The following NDST3 variants were observed in gnomAD, a reference collection of about 807,000 sequenced individuals.
NDST3 encodes the protein bifunctional heparan sulfate N-deacetylase/N-sulfotransferase 3.
A neutral mutation model predicts 96.1 loss-of-function variants in NDST3; 58 were observed. That is an observed-to-expected ratio of 0.60 (90% CI 0.49 to 0.75). NDST3 has a LOEUF of 0.75. NDST3 is among the 30% of genes least tolerant of loss of function. The pLI is 0.00. For synonymous variants in NDST3, 333 were observed against 359.7 expected (o/e 0.93, Z 0.84); for missense variants, 788 against 1,034.2 (o/e 0.76, Z 3.27).
chr4:118,110,885 T>C (rs1730578853), intron 3 of NDST3, among the ~76,000 whole-genome samples: 1 of 152,090 alleles, frequency 6.6e-6, no homozygotes, highest in Admixed American at 6.6e-5. Context: ...ACAGCACTAT[T>C]CACACTAGCA....
At chr4:118,235,955 T>C (rs1278097609) in intron 9 of NDST3, among the ~76,000 whole-genome samples, 1 of 152,234 alleles carries the variant, frequency 6.6e-6, no homozygotes, top group African/African-American at 2.4e-5. Flanking sequence ...AGAAGCTTTA[T>C]CATGTTTGAG....
In NDST3 at chr4:118,127,406, A is replaced by G. The variant is rs1363643346; in HGVS notation, c.1225-10648A>G. Among the ~76,000 whole-genome samples, 8 of 152,074 alleles carry G rather than the reference A, an allele frequency of 5.3e-5. 1 individual carries two copies. Among genetic ancestry groups the G allele is most frequent in the African/African-American group, 1.9e-4 (8 of 41,432 alleles). On this transcript the variant is annotated intron_variant, in intron 4 of 13. Coordinates refer to ENST00000296499, the MANE Select transcript of NDST3 (RefSeq NM_004784.3). ...CAGGGGTTCAGCTTAATTTTTCTGC[A>G]TATGGAAATCTAGTTTTTCAAGCAC...
intron 4 of NDST3, among the ~76,000 whole-genome samples, chr4:118,123,984 G>A (rs10050326): frequency 0.016 from 2,504 of 152,006 alleles, 56 homozygotes; most frequent in African/African-American, 0.053. Flanking sequence ...TTCTTACTAC[G>A]TTTGGCTTAC....
intron 6 of NDST3, among the ~76,000 whole-genome samples, chr4:118,172,737 T>C (rs1163180375): frequency 6.6e-6 from 1 of 152,128 alleles, no homozygotes; most frequent in Non-Finnish European, 1.5e-5. Flanking sequence ...GATGAGTTCT[T>C]AGCAAAGAAT....
At chr4:118,216,833 T>C (rs1739221903) in intron 6 of NDST3, among the ~76,000 whole-genome samples, 1 of 151,998 alleles carries the variant, frequency 6.6e-6, no homozygotes, top group Admixed American at 6.6e-5. Flanking sequence ...TGAGTGGCAT[T>C]GAAAAAATAA....
chr4:118,154,303 T>C (rs896783951), intron 6 of NDST3, among the ~76,000 whole-genome samples: 2 of 152,226 alleles, frequency 1.3e-5, no homozygotes, highest in African/African-American at 4.8e-5. Context: ...TACTGTATAA[T>C]GGGGCATTCT....
chr4:118,166,816 A>G (rs979843666), intron 6 of NDST3, among the ~76,000 whole-genome samples: 12 of 152,010 alleles, frequency 7.9e-5, no homozygotes, highest in Non-Finnish European at 1.2e-4. Context: ...ATCCCAATAG[A>G]TACAGAAAAA....
intron 2 of NDST3, among the ~76,000 whole-genome samples, chr4:118,066,129 TTATATA>T (rs1560617513): frequency 4.5e-4 from 20 of 44,750 alleles, no homozygotes; most frequent in African/African-American, 1.2e-3. Flanking sequence ...ATTATATATA[TTATATA>T]ATATATTTTA....
chr4:118,194,309 T>C (rs1737519841), intron 6 of NDST3: 2 of 734,214 alleles, frequency 2.7e-6, no homozygotes, highest in East Asian at 2.5e-5. Flanking sequence ...TGTAGATGAT[T>C]CCGCCATCTT....
chr4:118,121,605 G>A (rs745991169), intron 4 of NDST3, among the ~76,000 whole-genome samples: 5 of 152,132 alleles, frequency 3.3e-5, no homozygotes, highest in African/African-American at 7.2e-5. Flanking sequence ...CAGTGGAAGC[G>A]GGATCATAAA....
At chr4:118,044,939 C>T (rs576389098) in intron 1 of NDST3, among the ~76,000 whole-genome samples, 1 of 152,222 alleles carries the variant, frequency 6.6e-6, no homozygotes, top group South Asian at 2.1e-4. Context: ...GACCTACTCA[C>T]TTCTTCTTAG....
intron 1 of NDST3, among the ~76,000 whole-genome samples, chr4:118,045,484 G>A (rs1724710605): frequency 6.6e-6 from 1 of 152,106 alleles, no homozygotes; most frequent in African/African-American, 2.4e-5. Flanking sequence ...ATGTTTGAAT[G>A]CATGACATAT....
chr4:118,085,029 C>T (rs186378089), intron 2 of NDST3, among the ~76,000 whole-genome samples: 8 of 152,186 alleles, frequency 5.3e-5, no homozygotes, highest in Non-Finnish European at 1.0e-4. Flanking sequence ...GAGGCTGAGG[C>T]AGGGAATTGC....
intron 6 of NDST3, among the ~76,000 whole-genome samples, chr4:118,148,747 G>C (rs575474739): frequency 6.6e-6 from 1 of 152,112 alleles, no homozygotes; most frequent in Admixed American, 6.5e-5. Context: ...TCATCTGAAA[G>C]GAAATAATAC....
intron 12 of NDST3, 106 bp from the exon 13 acceptor site, chr4:118,253,393 A>G (rs1464277062): frequency 6.7e-5 from 41 of 607,568 alleles, no homozygotes; most frequent in Non-Finnish European, 7.0e-5. Flanking sequence ...TCCAAATAAA[A>G]TATTTATGTA....
chr4:118,058,634 T>TGTGTGTGTGC (rs1491357876), intron 2 of NDST3, among the ~76,000 whole-genome samples: 1 of 11,528 alleles, frequency 8.7e-5, no homozygotes, highest in African/African-American at 1.2e-4. Context: ...TGTGTGTGTG[T>TGTGTGTGTGC]GCGCGCGCGC....
intron 6 of NDST3, among the ~76,000 whole-genome samples, chr4:118,159,224 T>C (rs6848301): frequency 0.079 from 12,078 of 152,208 alleles, 1,101 homozygotes; most frequent in African/African-American, 0.23. Context: ...CAGGACCCAA[T>C]ATATTCTAGA....
chr4:118,087,047 G>GT (rs369377930), intron 2 of NDST3, among the ~76,000 whole-genome samples: 26 of 151,486 alleles, frequency 1.7e-4, no homozygotes, highest in South Asian at 8.4e-4. Flanking sequence ...GATATTTTTA[G>GT]TTTTTTTTTG....
intron 6 of NDST3, among the ~76,000 whole-genome samples, chr4:118,172,429 G>A (rs1036122455): frequency 9.9e-5 from 15 of 152,146 alleles, no homozygotes; most frequent in Admixed American, 5.2e-4. Flanking sequence ...AAGGGAAAAT[G>A]TGTAAATAAA....
Sources: allele counts gnomAD v4.1 joint callset (sites outside exome capture counted in the v4.1 genomes callset), GRCh38; gene constraint gnomAD v4.1.1; transcripts MANE v1.5; gene names NCBI Gene and HGNC (gene_info 2026-07-23, HGNC 2026-07-21).